The following BCKDHA variants were observed in gnomAD, a reference collection of about 807,000 sequenced individuals.
BCKDHA encodes the protein 2-oxoisovalerate dehydrogenase subunit alpha, mitochondrial.
BCKDHA carries 43 observed loss-of-function variants against 52.2 expected under a neutral mutation model. The observed-to-expected ratio is 0.82, with a 90% CI of 0.64 to 1.06. BCKDHA has a LOEUF of 1.06. BCKDHA is among the 50% of genes least tolerant of loss of function. BCKDHA has a pLI of 0.00. For synonymous variants in BCKDHA, 234 were observed against 247.9 expected, an observed-to-expected ratio of 0.94 and a Z score of 0.53; for missense variants, 527 against 621.3, an observed-to-expected ratio of 0.85 and a Z score of 1.61.
chr19:41,422,363 T>C lies in BCKDHA; in HGVS notation c.846T>C (p.Asp282=). ...STPTSEQYRG[D]GIAARGPGYG... is the part of the protein sequence containing the mutation. ...CCACCTCTGAGCAGTATCGCGGCGA[T>C]GGCATTGGTATGGGCTCTGCTGGCT... Residue 282 remains aspartate, a synonymous_variant, in exon 6 of 9, where the codon GAT becomes GAC. Coordinates refer to ENST00000269980, the MANE Select transcript of BCKDHA (RefSeq NM_000709.4). 6.2e-7 allele frequency: 1 copy of C among 1,614,158 alleles called. No individual in the cohort carries two copies. Among genetic ancestry groups the C allele is most frequent in the South Asian group, 1.1e-5 (1 of 91,078 alleles).
In BCKDHA at chr19:41,405,787, A is replaced by T. The variant is rs192391157; in HGVS notation, c.109-4850A>T. ...TCAGTTAGAGTCCATGCGCTTAGCCATGGTGCCTTCAAGTGACTCCACCAG... is the reference window on the plus strand; with the variant it reads ...TCAGTTAGAGTCCATGCGCTTAGCCTTGGTGCCTTCAAGTGACTCCACCAG... On this transcript the variant is annotated intron_variant, in intron 1 of 8. Transcript: ENST00000269980. Among the ~76,000 whole-genome samples, 4 of 152,252 alleles carry T rather than the reference A, an allele frequency of 2.6e-5. No homozygotes were observed. In the East Asian group the frequency reaches 7.7e-4, roughly 29 times the overall value.
chr19:41,423,688 C>G (rs922726945), intron 8 of BCKDHA, among the ~76,000 whole-genome samples: 1 of 152,020 alleles, frequency 6.6e-6, no homozygotes, highest in Admixed American at 6.6e-5. Flanking sequence ...AAAAATTAGC[C>G]GGGCATGGTG....
intron 1 of BCKDHA, among the ~76,000 whole-genome samples, chr19:41,403,002 C>T (rs1444854340): frequency 6.6e-6 from 1 of 152,138 alleles, no homozygotes; most frequent in African/African-American, 2.4e-5. Context: ...CCATCTTTCC[C>T]TTCCTTGAAT....
intron 4 of BCKDHA, among the ~76,000 whole-genome samples, chr19:41,414,584 G>T (rs1349657152): frequency 2.0e-5 from 3 of 152,186 alleles, no homozygotes; most frequent in Non-Finnish European, 4.4e-5. Flanking sequence ...CTCCTCAGGT[G>T]CTGTATCCTT....
chr19:41,420,959 T>A (rs2039357949), intron 5 of BCKDHA, among the ~76,000 whole-genome samples: 1 of 152,206 alleles, frequency 6.6e-6, no homozygotes, highest in South Asian at 2.1e-4. Context: ...CTGAGATGCA[T>A]GAGTTTGTGT....
chr19:41,410,522 G>C, intron 1 of BCKDHA, 115 bp from the exon 2 acceptor site: 1 of 1,216,478 alleles, frequency 8.2e-7, no homozygotes, highest in South Asian at 1.3e-5. Flanking sequence ...AGGCCCCAGA[G>C]TTCACTGGGG....
intron 4 of BCKDHA, 143 bp downstream of exon 4, chr19:41,414,300 C>T: frequency 2.3e-6 from 2 of 876,722 alleles, no homozygotes; most frequent in Admixed American, 4.0e-5. Context: ...AGAGACAAGC[C>T]AGGGTTAGGA....
intron 3 of BCKDHA, among the ~76,000 whole-genome samples, chr19:41,413,608 C>T (rs752840947): frequency 2.6e-5 from 4 of 152,226 alleles, no homozygotes; most frequent in South Asian, 2.1e-4. Flanking sequence ...AGAAGACTGT[C>T]GGCAGGTTAC....
chr19:41,409,057 C>G (rs1472875976), intron 1 of BCKDHA, among the ~76,000 whole-genome samples: 1 of 152,158 alleles, frequency 6.6e-6, no homozygotes, highest in African/African-American at 2.4e-5. Flanking sequence ...TCAAGTGATT[C>G]TCCTGCCTCA....
At chr19:41,401,572 C>A (rs1180553414) in intron 1 of BCKDHA, among the ~76,000 whole-genome samples, 1 of 152,172 alleles carries the variant, frequency 6.6e-6, no homozygotes, top group East Asian at 1.9e-4. Flanking sequence ...TGCTGCCCTG[C>A]AGATGTGTTT....
intron 1 of BCKDHA, among the ~76,000 whole-genome samples, chr19:41,403,812 G>A (rs1015640408): frequency 1.3e-5 from 2 of 152,308 alleles, no homozygotes; most frequent in Admixed American, 6.5e-5. Context: ...GTCCAAGGCC[G>A]CGTGGCTGGA....
At chr19:41,400,129 T>G (rs1484938818) in intron 1 of BCKDHA, among the ~76,000 whole-genome samples, 2 of 151,964 alleles carry the variant, frequency 1.3e-5, no homozygotes, top group African/African-American at 4.8e-5. Context: ...TGCAGTGGTG[T>G]GATCATGGCT....
chr19:41,410,399 C>T (rs1226881563), intron 1 of BCKDHA, among the ~76,000 whole-genome samples: 2 of 152,230 alleles, frequency 1.3e-5, no homozygotes, highest in Non-Finnish European at 2.9e-5. Context: ...TAGGTGTTAA[C>T]TGTTTTCATC....
chr19:41,405,136 T>A (rs984668928), intron 1 of BCKDHA, among the ~76,000 whole-genome samples: 1 of 152,206 alleles, frequency 6.6e-6, no homozygotes, highest in Non-Finnish European at 1.5e-5. Context: ...TACTCACTAC[T>A]TGTGTTTATG....
In BCKDHA at chr19:41,422,382, G is replaced by A. The variant is rs1446357220; in HGVS notation, c.853+12G>A. ...CGGCGATGGCATTGGTATGGGCTCT[G>A]CTGGCTGCTCCCCACCCCGCTGGGA... On this transcript the variant is annotated intron_variant, in intron 6 of 8. Coordinates refer to ENST00000269980, the MANE Select transcript of BCKDHA (RefSeq NM_000709.4). 2 of 1,613,988 alleles carry A rather than the reference G, an allele frequency of 1.2e-6. No individual in the cohort carries two copies. Among genetic ancestry groups the A allele is most frequent in the South Asian group, 2.2e-5 (2 of 91,074 alleles).
At chr19:41,414,208 T>C in intron 4 of BCKDHA, 51 bp downstream of exon 4, 1 of 1,545,710 alleles carries the variant, frequency 6.5e-7, no homozygotes, top group Non-Finnish European at 8.9e-7. Context: ...GTGTACACTT[T>C]AGTTTTTCTG....
intron 3 of BCKDHA, among the ~76,000 whole-genome samples, chr19:41,412,068 G>A (rs765491242): frequency 1.3e-5 from 2 of 152,144 alleles, no homozygotes; most frequent in African/African-American, 4.8e-5. Flanking sequence ...CCTTTGTTCC[G>A]CTTTACACAT....
intron 3 of BCKDHA, among the ~76,000 whole-genome samples, chr19:41,412,004 C>T (rs535101006): frequency 4.6e-5 from 7 of 152,210 alleles, no homozygotes; most frequent in South Asian, 2.1e-4. Flanking sequence ...AGGGCACCGC[C>T]GAGCCGCGAG....
chr19:41,407,214 GTTAAC>G (rs1158628361), intron 1 of BCKDHA, among the ~76,000 whole-genome samples: 1 of 152,182 alleles, frequency 6.6e-6, no homozygotes, highest in African/African-American at 2.4e-5. Flanking sequence ...CCTGGTGTGA[GTTAAC>G]TTAGCAACTT....
Sources: allele counts gnomAD v4.1 joint callset (sites outside exome capture counted in the v4.1 genomes callset), GRCh38; gene constraint gnomAD v4.1.1; transcripts MANE v1.5; gene names NCBI Gene and HGNC (gene_info 2026-07-23, HGNC 2026-07-21).